Variants in ZCCHC7 observed in about 807,000 individuals in gnomAD.
ZCCHC7 encodes zinc finger CCHC-type containing 7.
ZCCHC7 carries 35 observed loss-of-function variants against 52.0 expected under a neutral mutation model. The observed-to-expected ratio is 0.67, with a 90% confidence interval of 0.51 to 0.89. ZCCHC7 has a LOEUF of 0.89. ZCCHC7 is among the 40% of genes least tolerant of loss of function. The probability of loss-of-function intolerance (pLI) is 0.00; values close to 1 mark genes in which losing one functional copy is unlikely to be tolerated. For missense variants in ZCCHC7, 574 were observed against 649.1 expected (o/e 0.88, Z 1.26); for synonymous variants, 217 against 221.5 (o/e 0.98, Z 0.18).
At chr9:37,236,857 C>T (rs1025297879) in intron 2 of ZCCHC7, among the ~76,000 whole-genome samples, 29 of 152,174 alleles carry the variant, frequency 1.9e-4, no homozygotes, top group Admixed American at 1.9e-3. Context: ...TACATTTTGG[C>T]TTTAGAAATA....
chr9:37,298,722 A>G (rs1375587047), intron 2 of ZCCHC7, among the ~76,000 whole-genome samples: 1 of 152,198 alleles, frequency 6.6e-6, no homozygotes, highest in Non-Finnish European at 1.5e-5. Context: ...TACATTTGCC[A>G]AATTGAATCC....
intron 2 of ZCCHC7, among the ~76,000 whole-genome samples, chr9:37,280,977 T>G (rs1827930990): frequency 6.6e-6 from 1 of 152,202 alleles, no homozygotes; most frequent in Admixed American, 6.5e-5. Context: ...GGCAACTATA[T>G]CAGAAAGGAC....
At chr9:37,240,885 G>A (rs921411191) in intron 2 of ZCCHC7, among the ~76,000 whole-genome samples, 8 of 151,746 alleles carry the variant, frequency 5.3e-5, no homozygotes, top group Admixed American at 1.3e-4. Context: ...AAATATTGAC[G>A]TAAAAGAAAT....
chr9:37,172,933 G>A (rs775524834), intron 2 of ZCCHC7, among the ~76,000 whole-genome samples: 10 of 151,240 alleles, frequency 6.6e-5, no homozygotes, highest in Admixed American at 4.0e-4. Flanking sequence ...AGCAACGTGG[G>A]CATTCCAATA....
intron 2 of ZCCHC7, among the ~76,000 whole-genome samples, chr9:37,167,609 C>A: frequency 6.6e-6 from 1 of 152,110 alleles, no homozygotes; most frequent in Admixed American, 6.6e-5. Context: ...TGATTAGAAG[C>A]CAGACATTAA....
chr9:37,151,226 A>G (rs946082307), intron 2 of ZCCHC7, among the ~76,000 whole-genome samples: 2 of 151,908 alleles, frequency 1.3e-5, no homozygotes, highest in Non-Finnish European at 2.9e-5. Context: ...TCGGCCTCCC[A>G]AAGTGCTGGG....
rs570420564 is a variant in ZCCHC7 at position 37,352,010 on chromosome 9, A to ATCAT, written c.1083+2560_1083+2563dup. Reference sequence around the variant, plus strand: ...TAGATTATTTACACTAATGAAGAAGATCATTGGTGTGGCTAATCCAGAATA... The same window carrying ATCAT: ...TAGATTATTTACACTAATGAAGAAGATCATTCATTGGTGTGGCTAATCCAGAATA... On this transcript the variant is annotated intron_variant, in intron 7 of 8. Transcript: ENST00000336755. Among the ~76,000 whole-genome samples, 3 of 152,370 alleles carry ATCAT rather than the reference A, an allele frequency of 2.0e-5. No individual in the cohort carries two copies. In the East Asian group the frequency reaches 5.8e-4, roughly 29 times the overall value.
intron 2 of ZCCHC7, among the ~76,000 whole-genome samples, chr9:37,182,502 T>C (rs1447008035): frequency 6.6e-6 from 1 of 152,082 alleles, no homozygotes; most frequent in African/African-American, 2.4e-5. Context: ...GTAGCCAGGA[T>C]TACAGGCACA....
At chr9:37,138,252 C>G (rs1209123306) in intron 2 of ZCCHC7, among the ~76,000 whole-genome samples, 1 of 152,134 alleles carries the variant, frequency 6.6e-6, no homozygotes, top group Non-Finnish European at 1.5e-5. Context: ...TCAGTTTCAG[C>G]TTTACTTGTG....
chr9:37,145,090 G>A (rs1309468933), intron 2 of ZCCHC7: 5 of 152,000 alleles, frequency 3.3e-5, no homozygotes, highest in Middle Eastern at 6.8e-3. Context: ...CATCTGAGAG[G>A]TTCATTATGA....
intron 2 of ZCCHC7, among the ~76,000 whole-genome samples, chr9:37,282,903 T>G (rs1588608705): frequency 4.3e-5 from 4 of 93,728 alleles, no homozygotes; most frequent in Admixed American, 1.5e-4. Context: ...TTAATGAAAA[T>G]GGCATTTGTT....
chr9:37,306,640 T>G (rs1226912429), intron 5 of ZCCHC7, among the ~76,000 whole-genome samples: 1 of 148,990 alleles, frequency 6.7e-6, no homozygotes, highest in Non-Finnish European at 1.5e-5. Context: ...TAATTTTTTA[T>G]TTTTAGTAGA....
At chr9:37,259,860 A>G (rs1258895991) in intron 2 of ZCCHC7, among the ~76,000 whole-genome samples, 1 of 152,192 alleles carries the variant, frequency 6.6e-6, no homozygotes, top group Admixed American at 6.5e-5. Flanking sequence ...ATATGGAAAC[A>G]TTAAATTTAA....
chr9:37,330,070 C>T (rs13295981), intron 6 of ZCCHC7, among the ~76,000 whole-genome samples: 50,137 of 151,468 alleles, frequency 0.33, 8,651 homozygotes, highest in Middle Eastern at 0.41. Flanking sequence ...ATTTACAGAA[C>T]GACTTAAATT....
At chr9:37,266,146 T>C (rs980099980) in intron 2 of ZCCHC7, among the ~76,000 whole-genome samples, 2 of 152,218 alleles carry the variant, frequency 1.3e-5, no homozygotes, top group Non-Finnish European at 2.9e-5. Flanking sequence ...ACTAAAATGA[T>C]TTAACCTACT....
At chr9:37,231,160 G>A (rs1825384482) in intron 2 of ZCCHC7, among the ~76,000 whole-genome samples, 1 of 152,110 alleles carries the variant, frequency 6.6e-6, no homozygotes, top group Admixed American at 6.5e-5. Flanking sequence ...TGGCCAGGCT[G>A]GTCTTGAACT....
At chr9:37,264,301 G>A (rs1417524081) in intron 2 of ZCCHC7, among the ~76,000 whole-genome samples, 3 of 152,052 alleles carry the variant, frequency 2.0e-5, no homozygotes, top group Non-Finnish European at 4.4e-5. Context: ...AATAAAATGC[G>A]TTTAATTTTT....
At chr9:37,124,155 TGTTAGTGGAA>T (rs1483082339) in intron 1 of ZCCHC7, among the ~76,000 whole-genome samples, 34 of 152,266 alleles carry the variant, frequency 2.2e-4, no homozygotes, top group African/African-American at 8.2e-4. Flanking sequence ...TGTGTATAGC[TGTTAGTGGAA>T]GAAAGAATAA....
intron 2 of ZCCHC7, among the ~76,000 whole-genome samples, chr9:37,161,513 T>G (rs1461186197): frequency 6.6e-6 from 1 of 151,782 alleles, no homozygotes; most frequent in Non-Finnish European, 1.5e-5. Flanking sequence ...AGGCGGAGCT[T>G]GCAGTGAGCC....
Sources: gnomAD v4.1 joint callset for allele counts (sites outside exome capture counted in the v4.1 genomes callset) on GRCh38, gnomAD v4.1.1 for gene constraint, MANE v1.5 for transcripts, NCBI Gene and HGNC (gene_info 2026-07-23, HGNC 2026-07-21) for gene names.